CARD8: variants seen among roughly 807,000 people sequenced by gnomAD.
The protein encoded by CARD8 is caspase recruitment domain-containing protein 8.
Under a neutral mutation model 53.2 loss-of-function variants are expected in CARD8, and 38 were observed. That is an observed-to-expected ratio of 0.71 (90% confidence interval 0.55 to 0.94). CARD8 has a LOEUF of 0.94. Ranked by LOEUF, CARD8 falls within the 40% of genes least tolerant of loss-of-function variation. The pLI is 0.00. For synonymous variants in CARD8, 245 were observed against 244.9 expected (o/e 1.00, Z 0.00); for missense variants, 561 against 655.5 (o/e 0.86, Z 1.57).
intron 5 of CARD8, among the ~76,000 whole-genome samples, chr19:48,235,029 TCTC>T (rs1321591596): frequency 3.9e-5 from 6 of 152,142 alleles, no homozygotes; most frequent in African/African-American, 9.7e-5. Context: ...GGAACAGTTA[TCTC>T]CTCTTCTCCC....
At chr19:48,244,609 C>T (rs928692255) in intron 3 of CARD8, among the ~76,000 whole-genome samples, 2 of 151,088 alleles carry the variant, frequency 1.3e-5, no homozygotes, top group Admixed American at 1.3e-4. Context: ...CGGTGTGGAT[C>T]CTTGAAAACA....
chr19:48,254,519 G>A (rs772936792), intron 1 of CARD8, among the ~76,000 whole-genome samples: 1 of 152,094 alleles, frequency 6.6e-6, no homozygotes, highest in Non-Finnish European at 1.5e-5. Flanking sequence ...TTGGGAGGCC[G>A]AAGTGGGCAG....
intron 10 of CARD8, among the ~76,000 whole-genome samples, chr19:48,223,163 G>A (rs1600239875): frequency 6.6e-6 from 1 of 152,030 alleles, no homozygotes; most frequent in Non-Finnish European, 1.5e-5. Context: ...AATTAGCTGG[G>A]CGTGGTGGTG....
intron 1 of CARD8, among the ~76,000 whole-genome samples, chr19:48,251,855 G>C (rs905725458): frequency 2.0e-5 from 3 of 152,098 alleles, no homozygotes; most frequent in Non-Finnish European, 4.4e-5. Context: ...CACCGGCGGA[G>C]AGCCCAGCGT....
intron 11 of CARD8, among the ~76,000 whole-genome samples, chr19:48,220,684 T>C (rs1318837292): frequency 6.6e-6 from 1 of 151,860 alleles, no homozygotes; most frequent in Non-Finnish European, 1.5e-5. Context: ...GAGGCCAAGG[T>C]GGGCAGATCA....
intron 6 of CARD8, chr19:48,234,138 A>C (rs2043425973): frequency 2.7e-6 from 1 of 364,426 alleles, no homozygotes; most frequent in Non-Finnish European, 4.9e-6. Flanking sequence ...TGTATTGAGT[A>C]ACAGCTTAAC....
chr19:48,227,199 G>T (rs1376412060), intron 10 of CARD8, among the ~76,000 whole-genome samples: 2 of 152,140 alleles, frequency 1.3e-5, no homozygotes, highest in Admixed American at 6.5e-5. Context: ...ATGGGGAAGA[G>T]AGTTGAATAA....
intron 11 of CARD8, among the ~76,000 whole-genome samples, chr19:48,220,236 T>A (rs2040210849): frequency 6.6e-6 from 1 of 152,208 alleles, no homozygotes; most frequent in African/African-American, 2.4e-5. Flanking sequence ...GGCACTTTAT[T>A]AAATTCTTAT....
chr19:48,223,870 T>C (rs1419874751), intron 10 of CARD8: 1 of 456,318 alleles, frequency 2.2e-6, no homozygotes, highest in African/African-American at 2.0e-5. Context: ...AAATAGTGTC[T>C]GGAATATATA....
At position 48,210,144 on chromosome 19, in the gene CARD8, AAAC is replaced by A. The variant is rs767593411; in HGVS notation, c.*1563_*1565del. 6.6e-6 allele frequency: 1 copy of A among 152,196 alleles called. No individual in the cohort carries two copies. The allele number at this position is 152,196 out of a possible 1,614,324, so 9.4% of individuals were successfully genotyped here. A position where few individuals can be genotyped will look rare whatever the true frequency, so the allele number is the denominator to read the frequency against. On this transcript the variant is annotated 3_prime_UTR_variant, in exon 14 of 14. Transcript: ENST00000651546. ...GAAAAATGACACACTACATACAGGG[AAAC>A]AACAATTTGAATGACTGCAGATTTC...
At chr19:48,240,697 A>T (rs766145826) in intron 4 of CARD8, among the ~76,000 whole-genome samples, 1 of 151,670 alleles carries the variant, frequency 6.6e-6, no homozygotes, top group Non-Finnish European at 1.5e-5. Flanking sequence ...TGAACCCAGG[A>T]GGCAGAGGTT....
In CARD8 at chr19:48,211,865, CCTT is replaced by C. The variant is rs780016656; in HGVS notation, c.1456_1458del (p.Lys486del). The C allele has an allele frequency of 6.2e-7, 1 of 1,614,160 alleles. No homozygotes were observed. Among genetic ancestry groups the C allele is most frequent in the South Asian group, 1.1e-5 (1 of 91,078 alleles). On this transcript the variant is annotated inframe_deletion, in exon 14 of 14. Coordinates refer to ENST00000651546, the MANE Select transcript of CARD8 (RefSeq NM_001184900.3). ...CGTGTCTTTTCCTGCTCCACCAGCT[CCTT>C]CTCATTCTCAGTAAGAACCTCATTG...
intron 6 of CARD8, chr19:48,234,128 T>C: frequency 3.1e-6 from 1 of 321,422 alleles, no homozygotes. Context: ...GTTGGTTTTA[T>C]GTATTGAGTA....
chr19:48,207,734 G>GTTTTTTGTTTTTTTTTTTTT (rs2037429240), downstream of CARD8, among the ~76,000 whole-genome samples: 7 of 116,548 alleles, frequency 6.0e-5, no homozygotes, highest in African/African-American at 2.6e-4. Context: ...TTGTTTTTCT[G>GTTTTTTGTTTTTTTTTTTTT]TTTTTTTTTT....
At chr19:48,253,994 G>A (rs1377728168) in intron 1 of CARD8, among the ~76,000 whole-genome samples, 1 of 152,128 alleles carries the variant, frequency 6.6e-6, no homozygotes, top group African/African-American at 2.4e-5. Context: ...AAGCATAGAG[G>A]AAACACATAG....
In CARD8 at chr19:48,249,069, C is replaced by T. The variant is rs528926601; in HGVS notation, c.-44+454G>A. ...AAAATTAGTCGTGCGTGGTGGCGGG[C>T]GCCTGTCACCCCAGCTACTCGGGAG... On this transcript the variant is annotated intron_variant, in intron 3 of 13. Transcript: ENST00000651546. Among the ~76,000 whole-genome samples, 171 of 152,014 alleles carry T rather than the reference C, an allele frequency of 1.1e-3. 2 individuals are homozygous for T. Among genetic ancestry groups the T allele is most frequent in the African/African-American group, 4.0e-3 (165 of 41,474 alleles).
intron 4 of CARD8, 88 bp downstream of exon 4, chr19:48,240,874 C>G (rs2044879593): frequency 9.6e-7 from 1 of 1,044,022 alleles, no homozygotes; most frequent in South Asian, 1.4e-5. Flanking sequence ...TTCCAGAAAA[C>G]ATCCATGGTC....
downstream of CARD8, chr19:48,204,055 T>TTCC: frequency 2.5e-6 from 1 of 405,370 alleles, no homozygotes; most frequent in Non-Finnish European, 5.0e-6. Context: ...GGGAGAGGAG[T>TTCC]GGGGAGGAGC....
chr19:48,242,292 C>T (rs945439028), intron 3 of CARD8, among the ~76,000 whole-genome samples: 20 of 152,098 alleles, frequency 1.3e-4, no homozygotes, highest in Admixed American at 1.2e-3. Flanking sequence ...AGAAGTCAGC[C>T]GTCTATGAAC....
Sources: allele counts gnomAD v4.1 joint callset (sites outside exome capture counted in the v4.1 genomes callset), GRCh38; gene constraint gnomAD v4.1.1; transcripts MANE v1.5; gene names NCBI Gene and HGNC (gene_info 2026-07-23, HGNC 2026-07-21).